CLSTN2: variants seen among roughly 807,000 people sequenced by gnomAD.
CLSTN2 encodes the protein calsyntenin-2.
A neutral mutation model predicts 101.2 loss-of-function variants in CLSTN2; 48 were observed. The ratio of observed to expected loss-of-function variants is 0.47; its 90% CI spans 0.38 to 0.60. The LOEUF (loss-of-function observed/expected upper bound fraction) is 0.60, where lower values mean the gene tolerates loss of function less well. Among genes scored for constraint, CLSTN2 ranks in the 20% least tolerant of loss-of-function variants. The pLI, the probability that CLSTN2 is intolerant of heterozygous loss-of-function variation, is 0.00. For missense variants in CLSTN2, 1,160 were observed against 1,238.2 expected, an observed-to-expected ratio of 0.94 and a Z score of 0.95; for synonymous variants, 481 against 463.6, an observed-to-expected ratio of 1.04 and a Z score of -0.48.
chr3:140,524,690 G>T (rs1935100534), intron 8 of CLSTN2, among the ~76,000 whole-genome samples: 1 of 152,132 alleles, frequency 6.6e-6, no homozygotes, highest in Admixed American at 6.5e-5. Context: ...CACATGCTCA[G>T]TCATAAAGCA....
chr3:140,486,889 G>A (rs992639528), intron 8 of CLSTN2, among the ~76,000 whole-genome samples: 1 of 152,210 alleles, frequency 6.6e-6, no homozygotes, highest in Non-Finnish European at 1.5e-5. Context: ...AAAGCCTAGA[G>A]AGAAAATTCT....
intron 2 of CLSTN2, among the ~76,000 whole-genome samples, chr3:140,392,671 C>A (rs545629708): frequency 6.6e-6 from 1 of 151,892 alleles, no homozygotes; most frequent in Non-Finnish European, 1.5e-5. Context: ...AGTCATTTTT[C>A]GAGGAGGAGT....
At chr3:140,511,501 C>T (rs1254309108) in intron 8 of CLSTN2, among the ~76,000 whole-genome samples, 1 of 147,426 alleles carries the variant, frequency 6.8e-6, no homozygotes, top group Non-Finnish European at 1.5e-5. Context: ...TAAAAGCATT[C>T]TCTTACTCTG....
At chr3:139,952,194 C>A (rs1020286441) in intron 1 of CLSTN2, among the ~76,000 whole-genome samples, 6 of 152,172 alleles carry the variant, frequency 3.9e-5, no homozygotes, top group Non-Finnish European at 7.3e-5. Context: ...AACTTCAGGG[C>A]ACTAAGGGAT....
At chr3:140,345,970 G>C (rs534297805) in intron 2 of CLSTN2, among the ~76,000 whole-genome samples, 1 of 152,150 alleles carries the variant, frequency 6.6e-6, no homozygotes, top group Non-Finnish European at 1.5e-5. Context: ...ATAGCCCATC[G>C]TCTCAGCTTA....
intron 2 of CLSTN2, among the ~76,000 whole-genome samples, chr3:140,317,632 G>A (rs935612410): frequency 2.0e-5 from 3 of 152,174 alleles, no homozygotes; most frequent in Non-Finnish European, 1.5e-5. Context: ...GAGTACTGAG[G>A]CTCAAATGGG....
chr3:140,320,034 A>G lies in CLSTN2; in HGVS notation c.233-83595A>G, dbSNP rs922552392. Among the ~76,000 whole-genome samples, 3 of 152,222 alleles carry G rather than the reference A, an allele frequency of 2.0e-5. No individual in the cohort carries two copies. In the South Asian group the frequency reaches 6.2e-4, roughly 32 times the overall value. On this transcript the variant is annotated intron_variant, in intron 2 of 16. Transcript: ENST00000458420. ...TTGTCATGCCATGAGAGGCATTTGCATCTGAAGTGTCACCTGGGATCATAA... is the reference window on the plus strand; with the variant it reads ...TTGTCATGCCATGAGAGGCATTTGCGTCTGAAGTGTCACCTGGGATCATAA...
intron 1 of CLSTN2, among the ~76,000 whole-genome samples, chr3:140,160,545 C>T (rs979630620): frequency 1.3e-5 from 2 of 152,132 alleles, no homozygotes; most frequent in African/African-American, 4.8e-5. Flanking sequence ...TAGCATTTTT[C>T]TCATTCCATG....
chr3:140,142,528 C>G (rs1359065309), intron 1 of CLSTN2, among the ~76,000 whole-genome samples: 2 of 152,218 alleles, frequency 1.3e-5, no homozygotes, highest in East Asian at 3.9e-4. Flanking sequence ...CCAGAACACT[C>G]TTGGGTTGCA....
chr3:140,424,885 G>C (rs1016843324), intron 5 of CLSTN2, among the ~76,000 whole-genome samples: 1 of 152,146 alleles, frequency 6.6e-6, no homozygotes, highest in Non-Finnish European at 1.5e-5. Context: ...TGGTAGGGGA[G>C]GGTGGGTGGT....
At chr3:139,945,046 C>A (rs1935195387) in intron 1 of CLSTN2, among the ~76,000 whole-genome samples, 1 of 151,998 alleles carries the variant, frequency 6.6e-6, no homozygotes, top group African/African-American at 2.4e-5. Context: ...GGAATCACTG[C>A]ATCAAATTGT....
At chr3:140,104,231 C>T (rs1388921303) in intron 1 of CLSTN2, among the ~76,000 whole-genome samples, 1 of 152,162 alleles carries the variant, frequency 6.6e-6, no homozygotes, top group African/African-American at 2.4e-5. Context: ...ACAGACAGTT[C>T]CTCCCACCTG....
intron 2 of CLSTN2, among the ~76,000 whole-genome samples, chr3:140,379,286 CA>C (rs2087953664): frequency 6.6e-6 from 1 of 152,164 alleles, no homozygotes; most frequent in Non-Finnish European, 1.5e-5. Flanking sequence ...AAGGAGGACA[CA>C]ATCTCTGGAC....
chr3:140,132,712 A>G (rs994223548), intron 1 of CLSTN2, among the ~76,000 whole-genome samples: 4 of 152,238 alleles, frequency 2.6e-5, no homozygotes, highest in African/African-American at 7.2e-5. Context: ...GTTTAAATAC[A>G]TCGTTAGTAG....
At chr3:140,452,864 C>T (rs1933284461) in intron 6 of CLSTN2, among the ~76,000 whole-genome samples, 1 of 152,220 alleles carries the variant, frequency 6.6e-6, no homozygotes, top group South Asian at 2.1e-4. Context: ...CCTTCCTTTG[C>T]TCTACATGAA....
At chr3:140,240,174 C>CTCTATA (rs1311225528) in intron 2 of CLSTN2, among the ~76,000 whole-genome samples, 22 of 13,330 alleles carry the variant, frequency 1.7e-3, no homozygotes, top group Non-Finnish European at 5.3e-3. Context: ...CTCTCTCTCT[C>CTCTATA]TATATATATA....
At chr3:140,293,709 G>A (rs1248510447) in intron 2 of CLSTN2, among the ~76,000 whole-genome samples, 1 of 152,144 alleles carries the variant, frequency 6.6e-6, no homozygotes, top group Non-Finnish European at 1.5e-5. Flanking sequence ...CTACGTGAGA[G>A]GAACCTCAGG....
At chr3:140,246,558 C>A (rs2086519576) in intron 2 of CLSTN2, among the ~76,000 whole-genome samples, 1 of 152,192 alleles carries the variant, frequency 6.6e-6, no homozygotes, top group South Asian at 2.1e-4. Flanking sequence ...GGGCATGATA[C>A]TGATTTCAGA....
intron 6 of CLSTN2, among the ~76,000 whole-genome samples, chr3:140,457,103 G>A (rs1261990653): frequency 1.3e-5 from 2 of 152,220 alleles, no homozygotes; most frequent in Non-Finnish European, 2.9e-5. Context: ...GGAGTTTCAA[G>A]CCCTGCTAGA....
Sources: allele counts gnomAD v4.1 joint callset (sites outside exome capture counted in the v4.1 genomes callset), GRCh38; gene constraint gnomAD v4.1.1; transcripts MANE v1.5; gene names NCBI Gene and HGNC (gene_info 2026-07-23, HGNC 2026-07-21).